Variants in EP300 observed in about 807,000 individuals in gnomAD.
EP300 encodes histone acetyltransferase p300.
A neutral mutation model predicts 264.0 loss-of-function variants in EP300; 31 were observed. That is an observed-to-expected ratio of 0.12 (90% confidence interval 0.09 to 0.16). EP300 has a LOEUF of 0.16. EP300 is among the 10% of genes least tolerant of loss of function. The pLI, the probability that EP300 is intolerant of heterozygous loss-of-function variation, is 1.00. For missense variants in EP300, 2,766 were observed against 3,052.9 expected, an observed-to-expected ratio of 0.91 and a Z score of 2.21; for synonymous variants, 1,340 against 1,045.4, an observed-to-expected ratio of 1.28 and a Z score of -5.44.
Position 41,131,376 on chromosome 22 carries a change from T to C in EP300, c.1283-12T>C, listed in dbSNP as rs1299456373. 1.2e-6 allele frequency: 2 copies of C among 1,613,286 alleles called. No individual in the cohort carries two copies. Among genetic ancestry groups the C allele is most frequent in the Admixed American group, 1.7e-5 (1 of 60,018 alleles). ...CATTAATTTGTAATACTATATCTTT[T>C]GTCTTCTCTAGCAATTTTGACTGGA... On this transcript the variant is annotated splice_polypyrimidine_tract_variant and intron_variant, in intron 5 of 30. Coordinates refer to ENST00000263253, the MANE Select transcript of EP300 (RefSeq NM_001429.4).
intron 10 of EP300, among the ~76,000 whole-genome samples, chr22:41,142,575 TAGTAACTAA>T (rs1302428353): frequency 4.6e-5 from 7 of 151,914 alleles, no homozygotes; most frequent in African/African-American, 1.7e-4. Context: ...TGGACTTGAG[TAGTAACTAA>T]AGATTAAAAA....
intron 6 of EP300, among the ~76,000 whole-genome samples, chr22:41,133,586 A>G (rs547011550): frequency 6.6e-6 from 1 of 152,204 alleles, no homozygotes; most frequent in African/African-American, 2.4e-5. Context: ...CCAAAAATCA[A>G]AATGCTGCAT....
intron 4 of EP300, among the ~76,000 whole-genome samples, 164 bp from the exon 5 acceptor site, chr22:41,129,726 T>C (rs189208250): frequency 6.6e-6 from 1 of 152,336 alleles, no homozygotes; most frequent in East Asian, 1.9e-4. Flanking sequence ...TTTGCCTTTC[T>C]TGACTGTGAA....
intron 12 of EP300, among the ~76,000 whole-genome samples, chr22:41,148,244 T>C (rs531235115): frequency 8.5e-5 from 13 of 152,256 alleles, no homozygotes; most frequent in African/African-American, 3.1e-4. Flanking sequence ...TGATGGTGCG[T>C]TTTTGCCTGG....
intron 2 of EP300, among the ~76,000 whole-genome samples, chr22:41,123,279 A>G (rs1004127590): frequency 6.6e-6 from 1 of 152,204 alleles, no homozygotes; most frequent in African/African-American, 2.4e-5. Flanking sequence ...GTTGTAGGGA[A>G]AGGGAAAAGC....
At position 41,141,062 on chromosome 22, in the gene EP300, C is replaced by T. The variant is rs771462863; in HGVS notation, c.1893C>T (p.His631=). 1 of 1,613,896 alleles carries T rather than the reference C, an allele frequency of 6.2e-7. No individual in the cohort carries two copies. The highest frequency in any genetic ancestry group is 2.2e-5 in the East Asian group (1 of 44,878). ...CAATTCAAAAGGCGGAATACTACCA[C>T]CTTCTAGCTGAGAAAATCTATAAGA... The part of the protein sequence containing the change: ...ESANNRAEYY[H]LLAEKIYKIQ... The change falls in exon 10 of 31, where the codon CAC becomes CAT. Residue 631 remains histidine, a synonymous_variant. Coordinates refer to ENST00000263253, the MANE Select transcript of EP300 (RefSeq NM_001429.4).
At position 41,171,183 on chromosome 22, in the gene EP300, T is replaced by C. The variant is rs1470381721; in HGVS notation, c.4452+612T>C. Among the ~76,000 whole-genome samples, 4 of 151,140 alleles carry C rather than the reference T, an allele frequency of 2.6e-5. No homozygotes were observed. The East Asian group carries it at 7.8e-4, about 30-fold the overall frequency. ...GGGGAGGGTGGGGATAGAGTTGGGG[T>C]ATCGCCATGCTGCCCAGGCTGGACT... On this transcript the variant is annotated intron_variant, in intron 27 of 30. Transcript: ENST00000263253.
In EP300 at chr22:41,117,479, A is replaced by G. The variant is rs747515022; in HGVS notation, c.387A>G (p.Ala129=). 3 of 1,613,706 alleles carry G rather than the reference A, an allele frequency of 1.9e-6. No individual in the cohort carries two copies. Among genetic ancestry groups the G allele is most frequent in the Non-Finnish European group, 2.5e-6 (3 of 1,179,546 alleles). The change falls in exon 2 of 31, where the codon GCA becomes GCG. Residue 129 remains alanine (A), a synonymous_variant. Coordinates refer to ENST00000263253, the MANE Select transcript of EP300 (RefSeq NM_001429.4). The part of the protein sequence containing the change: ...NSMVKSPMTQ[A]GLTSPNMGMG... ...TGGTCAAAAGCCCAATGACACAGGC[A>G]GGCTTGACTTCTCCCAACATGGGGA...
In EP300 at chr22:41,179,879, CTCA is replaced by C. The variant is rs1555912621; in HGVS notation, c.*924_*926del. The C allele has an allele frequency of 8.2e-3, 1,155 of 140,064 alleles. 90 individuals carry two copies. Among genetic ancestry groups the C allele is most frequent in the Middle Eastern group, 0.013 (7 of 556 alleles). 8.7% of individuals were successfully genotyped at this position (140,064 alleles called of 1,614,324 possible). On this transcript the variant is annotated 3_prime_UTR_variant, in exon 31 of 31. Transcript: ENST00000263253. ...TTCTTCCTCCTTACCCTACCCCCCA[CTCA>C]CACACACACACACACACACACACAC... is the stretch of plus-strand genomic sequence containing the variant.
At position 41,117,344 on chromosome 22, in the gene EP300, G is replaced by T; in HGVS notation, c.252G>T (p.Leu84Phe). 6.2e-7 allele frequency: 1 copy of T among 1,614,202 alleles called. No homozygotes were observed. The highest frequency in any genetic ancestry group is 8.5e-7 in the Non-Finnish European group (1 of 1,180,042). Residue 84 changes from leucine to phenylalanine, a missense_variant, in exon 2 of 31, where the codon TTG becomes TTT. Physicochemically the swap from Leu to Phe is conservative, Grantham distance 22. Transcript: ENST00000263253. ...CTAAACATAAACAGCTGTCAGAATT[G>T]CTGCGATCTGGTAGTTCCCCTAACC... ...AASKHKQLSE[L>F]LRSGSSPNLN...
chr22:41,160,429 A>C (rs2059101537), intron 19 of EP300: 4 of 520,462 alleles, frequency 7.7e-6, no homozygotes, highest in East Asian at 3.1e-5. Flanking sequence ...CAAAAAAAAA[A>C]ACAAAAAAAA....
In EP300 at chr22:41,179,101, G is replaced by T. The variant is rs1032078418; in HGVS notation, c.*145G>T. 7 of 896,266 alleles carry T rather than the reference G, an allele frequency of 7.8e-6. No individual in the cohort carries two copies. In the African/African-American group the frequency reaches 1.2e-4, roughly 15 times the overall value. 55.5% of individuals were successfully genotyped at this position (896,266 alleles called of 1,614,324 possible). A position where few individuals can be genotyped will look rare whatever the true frequency, so the allele number is the denominator to read the frequency against. On this transcript the variant is annotated 3_prime_UTR_variant, in exon 31 of 31. Coordinates refer to ENST00000263253, the MANE Select transcript of EP300 (RefSeq NM_001429.4). ...AAGAACTGTGCAGTAGCCGTTTGTG[G>T]TTTAAAGCAAACATGCAAGATGAAC...
At chr22:41,094,913 G>C (rs1347260052) in intron 1 of EP300, among the ~76,000 whole-genome samples, 1 of 151,856 alleles carries the variant, frequency 6.6e-6, no homozygotes, top group African/African-American at 2.4e-5. Flanking sequence ...TCTCCATGTC[G>C]GTCTGTTTTG....
chr22:41,130,097 G>A, intron 5 of EP300, 94 bp downstream of exon 5: 1 of 910,072 alleles, frequency 1.1e-6, no homozygotes, highest in South Asian at 1.3e-5. Flanking sequence ...AGGGACCTGT[G>A]GTGTTGTACT....
chr22:41,166,434 T>C (rs1397839357), intron 22 of EP300, among the ~76,000 whole-genome samples, 165 bp from the exon 23 acceptor site: 1 of 152,234 alleles, frequency 6.6e-6, no homozygotes, highest in Non-Finnish European at 1.5e-5. Context: ...TTATCTTTTT[T>C]ATTCTTACTG....
Position 41,092,983 on chromosome 22 carries a change from T to G in EP300, c.-22T>G. ...CCTGAGGATTCTGGTTTTCCTCGCT[T>G]GTATCTCCGAAAGAATTAAAAATGG... On this transcript the variant is annotated 5_prime_UTR_variant, in exon 1 of 31. Transcript: ENST00000263253. 1 of 1,613,656 alleles carries G rather than the reference T, an allele frequency of 6.2e-7. No individual in the cohort carries two copies. The highest frequency in any genetic ancestry group is 1.3e-5 in the African/African-American group (1 of 75,032).
intron 1 of EP300, among the ~76,000 whole-genome samples, chr22:41,106,849 T>C (rs2058760717): frequency 1.3e-5 from 2 of 152,168 alleles, no homozygotes; most frequent in Admixed American, 1.3e-4. Context: ...TGCCTTGGCC[T>C]CCCAAAGTGC....
At chr22:41,161,671 G>C (rs2059109314) in intron 20 of EP300, among the ~76,000 whole-genome samples, 1 of 152,120 alleles carries the variant, frequency 6.6e-6, no homozygotes, top group Non-Finnish European at 1.5e-5. Flanking sequence ...GCAGTCATTA[G>C]AATTCAAACT....
At position 41,167,814 on chromosome 22, in the gene EP300, GTTTTT is replaced by G. The variant is rs1555911003; in HGVS notation, c.3875-628_3875-624del. 9.1e-4 allele frequency among the ~76,000 whole-genome samples: 60 copies of G among 66,222 alleles called. 1 individual carries two copies. The highest frequency in any genetic ancestry group is 3.7e-3 in the African/African-American group (58 of 15,650). 43.4% of individuals were successfully genotyped at this position (66,222 alleles called of 152,430 possible). ...CATTGTTCTATTTCTGTTTGTTTTT[GTTTTT>G]TTTTTTGTTTTTTTTTTTTTTTTTT... On this transcript the variant is annotated intron_variant, in intron 23 of 30. Coordinates refer to ENST00000263253, the MANE Select transcript of EP300 (RefSeq NM_001429.4).
Sources: gnomAD v4.1 joint callset for allele counts (sites outside exome capture counted in the v4.1 genomes callset) on GRCh38, gnomAD v4.1.1 for gene constraint, MANE v1.5 for transcripts, NCBI Gene and HGNC (gene_info 2026-07-23, HGNC 2026-07-21) for gene names.